Variants in TRUB2 observed in about 807,000 individuals in gnomAD.
TRUB2 encodes the protein TruB pseudouridine synthase family member 2.
Under a neutral mutation model 31.9 loss-of-function variants are expected in TRUB2, and 31 were observed. The observed-to-expected ratio is 0.97, with a 90% CI of 0.73 to 1.31. TRUB2 has a LOEUF of 1.31. Ranked by LOEUF, TRUB2 falls within the 50% of genes most tolerant of loss-of-function variation. The pLI is 0.00. For missense variants in TRUB2, 451 were observed against 439.6 expected (o/e 1.03, Z -0.23); for synonymous variants, 201 against 182.6 (o/e 1.10, Z -0.81).
At chr9:128,313,281 C>T (rs1217826987) in intron 5 of TRUB2, among the ~76,000 whole-genome samples, 1 of 148,894 alleles carries the variant, frequency 6.7e-6, no homozygotes, top group East Asian at 2.0e-4. Context: ...AATCCCAGCA[C>T]TTTGGGAGGC....
chr9:128,316,136 C>A (rs1193413404), intron 3 of TRUB2, among the ~76,000 whole-genome samples: 1 of 151,676 alleles, frequency 6.6e-6, no homozygotes, highest in Non-Finnish European at 1.5e-5. Flanking sequence ...CATGGTGAAA[C>A]CCCATCTCTA....
chr9:128,317,316 G>T, intron 2 of TRUB2, 90 bp from the exon 3 acceptor site: 1 of 1,162,526 alleles, frequency 8.6e-7, no homozygotes, highest in Non-Finnish European at 1.3e-6. Context: ...CTCAGAATGG[G>T]CCTCATGGAG....
rs543730441 is a variant in TRUB2, at chr9:128,318,394, C to T, written c.242-1168G>A. On this transcript the variant is annotated intron_variant, in intron 2 of 7. Coordinates refer to ENST00000372890, the MANE Select transcript of TRUB2 (RefSeq NM_015679.3). ...TTATTCTTTCCCAGAAACCCAAAACCCCTACCTTAGGACTTCTACCTAGGG... is the reference window on the plus strand; with the variant it reads ...TTATTCTTTCCCAGAAACCCAAAACTCCTACCTTAGGACTTCTACCTAGGG... Among the ~76,000 whole-genome samples, 4 of 152,208 alleles carry T rather than the reference C, an allele frequency of 2.6e-5. No homozygotes were observed. In the East Asian group the frequency reaches 7.7e-4, roughly 29 times the overall value.
Position 128,306,609 on chromosome 9 carries a change from T to C in TRUB2, c.*2941A>G, listed in dbSNP as rs1650512582. On this transcript the variant is annotated 3_prime_UTR_variant, in exon 8 of 8. Coordinates refer to ENST00000372890, the MANE Select transcript of TRUB2 (RefSeq NM_015679.3). The stretch of plus-strand genomic sequence containing the variant: ...CACGTGCAAGCACGCCCGGCTAATT[T>C]TGTATTTTTAGTAGAGACAGGTTTC... 6.6e-6 allele frequency: 1 copy of C among 151,872 alleles called. No individual in the cohort carries two copies. Among genetic ancestry groups the C allele is most frequent in the African/African-American group, 2.4e-5 (1 of 41,342 alleles). The allele number at this position is 151,872 out of a possible 1,614,324, so 9.4% of individuals were successfully genotyped here.
chr9:128,318,347 T>C (rs1832102326), intron 2 of TRUB2, among the ~76,000 whole-genome samples: 2 of 150,730 alleles, frequency 1.3e-5, no homozygotes, highest in African/African-American at 4.9e-5. Flanking sequence ...CAAGACTCTG[T>C]CAAATAAATA....
At chr9:128,310,278 AG>A (rs1465799810) in intron 7 of TRUB2, among the ~76,000 whole-genome samples, 2 of 152,046 alleles carry the variant, frequency 1.3e-5, no homozygotes, top group Non-Finnish European at 2.9e-5. Flanking sequence ...TTGTAGAGAC[AG>A]GGTCTCGCCA....
chr9:128,320,467 G>C (rs944223322), intron 2 of TRUB2, among the ~76,000 whole-genome samples: 2 of 151,830 alleles, frequency 1.3e-5, no homozygotes, highest in African/African-American at 4.8e-5. Flanking sequence ...TGAGAACCTG[G>C]GATTATAGGC....
chr9:128,315,595 G>A lies in TRUB2; in HGVS notation c.350C>T (p.Thr117Ile), dbSNP rs200223788. The change falls in exon 4 of 8, where the codon ACC (threonine) becomes ATC (isoleucine). Residue 117 changes from threonine to isoleucine, a missense_variant. Transcript: ENST00000372890. ...GGTAAGATGAGCATTGTACATATCGGTGAGGAGCCTGCATCCATGTCCCAC... is the reference window on the plus strand; with the variant it reads ...GGTAAGATGAGCATTGTACATATCGATGAGGAGCCTGCATCCATGTCCCAC... ...LGVGHGCRLL[T>I]DMYNAHLTKD... 1.2e-6 allele frequency: 2 copies of A among 1,613,698 alleles called. No homozygotes were observed. Among genetic ancestry groups the A allele is most frequent in the Non-Finnish European group, 8.5e-7 (1 of 1,179,884 alleles).
chr9:128,310,031 G>A (rs73672495), intron 7 of TRUB2, among the ~76,000 whole-genome samples, 156 bp from the exon 8 acceptor site: 3,546 of 152,196 alleles, frequency 0.023, 142 homozygotes, highest in African/African-American at 0.081. Context: ...CCTGCCCTGT[G>A]GGTGCCACCT....
chr9:128,321,298 A>T (rs1174355807), intron 2 of TRUB2, among the ~76,000 whole-genome samples: 1 of 152,238 alleles, frequency 6.6e-6, no homozygotes. Context: ...CTGAAGTTCA[A>T]ATATGAATAT....
chr9:128,311,355 C>T (rs535587332), intron 6 of TRUB2, 174 bp downstream of exon 6: 2 of 727,842 alleles, frequency 2.7e-6, no homozygotes, highest in South Asian at 1.8e-5. Context: ...CGTTGGCCAA[C>T]CCAAGACCTG....
intron 1 of TRUB2, 96 bp downstream of exon 1, chr9:128,322,204 A>G: frequency 1.0e-6 from 1 of 980,406 alleles, no homozygotes. Context: ...CCAGGTGAAT[A>G]GGTCACGTGA....
At chr9:128,318,514 T>C (rs896496445) in intron 2 of TRUB2, among the ~76,000 whole-genome samples, 3 of 150,756 alleles carry the variant, frequency 2.0e-5, no homozygotes, top group African/African-American at 7.3e-5. Context: ...TTTTTTTTTG[T>C]GTGTGTGTGT....
rs763011058 is a variant in TRUB2, at chr9:128,309,647, G to A, written c.899C>T (p.Pro300Leu). 1.6e-5 allele frequency: 26 copies of A among 1,614,048 alleles called. No homozygotes were observed. The highest frequency in any genetic ancestry group is 5.3e-5 in the African/African-American group (4 of 74,934). ...GGGGAGCTGCTTGGTGTCCAGCCCC[G>A]GGCTCAAGCTCTTCTCCAGCTCTGC... ...VAAELEKSLS[P>L]GLDTKQLPSP... The change falls in exon 8 of 8, where the codon CCG (proline) becomes CTG (leucine). Residue 300 changes from proline (P) to leucine (L), a missense_variant. Coordinates refer to ENST00000372890, the MANE Select transcript of TRUB2 (RefSeq NM_015679.3).
At chr9:128,316,910 G>A (rs899070976) in intron 3 of TRUB2, 17 of 490,836 alleles carry the variant, frequency 3.5e-5, no homozygotes, top group Middle Eastern at 1.1e-3. Flanking sequence ...TGTGCATAAA[G>A]GGCCTCGAAC....
chr9:128,314,855 G>A, intron 4 of TRUB2, among the ~76,000 whole-genome samples: 1 of 152,158 alleles, frequency 6.6e-6, no homozygotes, highest in East Asian at 1.9e-4. Context: ...TGGGATTACA[G>A]GTATGAGTCA....
rs760649278 is a variant in TRUB2, at chr9:128,309,819, C to T, written c.727G>A (p.Gly243Ser). The T allele has an allele frequency of 4.3e-6, 7 of 1,614,224 alleles. No homozygotes were observed. The highest frequency in any genetic ancestry group is 3.3e-5 in the Admixed American group (2 of 60,018). ...ACAGCAGTGGTCTTTAGTTCCAGGC[C>T]GATTTCATGAACCAACTTCCGCAGC... ...KELRKLVHEI[G>S]LELKTTAVCT... is the part of the protein sequence containing the mutation. Residue 243 changes from glycine (G) to serine (S), a missense_variant, in exon 8 of 8, where the codon GGC becomes AGC. Gly to Ser is a moderately conservative substitution (Grantham distance 56, BLOSUM62 0). Coordinates refer to ENST00000372890, the MANE Select transcript of TRUB2 (RefSeq NM_015679.3).
At chr9:128,321,238 G>C (rs1217129101) in intron 2 of TRUB2, among the ~76,000 whole-genome samples, 2 of 152,176 alleles carry the variant, frequency 1.3e-5, no homozygotes, top group Non-Finnish European at 2.9e-5. Flanking sequence ...CATGGGATGT[G>C]GAACTCATGG....
chr9:128,318,015 C>G (rs917334477), intron 2 of TRUB2, among the ~76,000 whole-genome samples: 1 of 152,164 alleles, frequency 6.6e-6, no homozygotes, highest in African/African-American at 2.4e-5. Context: ...TTACCAGAAC[C>G]AGTTCCATTG....
Sources: allele counts gnomAD v4.1 joint callset (sites outside exome capture counted in the v4.1 genomes callset), GRCh38; gene constraint gnomAD v4.1.1; transcripts MANE v1.5; gene names NCBI Gene and HGNC (gene_info 2026-07-23, HGNC 2026-07-21).